Variants in ELOVL2 observed in about 807,000 individuals in gnomAD.
ELOVL2 encodes very long chain fatty acid elongase 2.
ELOVL2 carries 38 observed loss-of-function variants against 37.7 expected under a neutral mutation model. That is an observed-to-expected ratio of 1.01 (90% confidence interval 0.78 to 1.32). ELOVL2 has a LOEUF of 1.32. Among genes scored for constraint, ELOVL2 ranks in the 40% most tolerant of loss-of-function variants. ELOVL2 has a pLI of 0.00. For missense variants in ELOVL2, 352 were observed against 363.6 expected (o/e 0.97, Z 0.26); for synonymous variants, 115 against 122.3 (o/e 0.94, Z 0.40).
chr6:11,030,305 T>C lies in ELOVL2; in HGVS notation c.3+13923A>G, dbSNP rs937707749. ...AACAATAGAAGGCCCTCCTGCCCTG[T>C]AGCTCATCTGTCCTAGATGTGCTAT... On this transcript the variant is annotated intron_variant, in intron 1 of 7. Coordinates refer to ENST00000354666, the MANE Select transcript of ELOVL2 (RefSeq NM_017770.4). Among the ~76,000 whole-genome samples, 13 of 152,300 alleles carry C rather than the reference T, an allele frequency of 8.5e-5. No homozygotes were observed. In the East Asian group the frequency reaches 2.3e-3, roughly 27 times the overall value.
In ELOVL2 at chr6:10,982,757, A is replaced by C. The variant is rs1240734524; in HGVS notation, c.*1024T>G. On this transcript the variant is annotated 3_prime_UTR_variant, in exon 8 of 8. Coordinates refer to ENST00000354666, the MANE Select transcript of ELOVL2 (RefSeq NM_017770.4). ...CCATCTTTTTCCTCCCAGCTTCAAA[A>C]ACTTAAATAACCTGTGAAGAGTGAC... 6.6e-6 allele frequency: 1 copy of C among 152,190 alleles called. No homozygotes were observed. The highest frequency in any genetic ancestry group is 6.5e-5 in the Admixed American group (1 of 15,278). The allele number at this position is 152,190 out of a possible 1,614,324, so 9.4% of individuals were successfully genotyped here. A position where few individuals can be genotyped will look rare whatever the true frequency, so the allele number is the denominator to read the frequency against.
chr6:11,031,570 T>TA (rs2113559643), intron 1 of ELOVL2, among the ~76,000 whole-genome samples: 1 of 152,336 alleles, frequency 6.6e-6, no homozygotes, highest in South Asian at 2.1e-4. Flanking sequence ...TATTGATTTA[T>TA]AAGGGTCATT....
chr6:11,029,824 G>A lies in ELOVL2; in HGVS notation c.3+14404C>T, dbSNP rs1396934416. Among the ~76,000 whole-genome samples the A allele has an allele frequency of 3.9e-5, 6 of 152,278 alleles. 1 individual carries two copies. The South Asian group carries it at 6.2e-4, about 16-fold the overall frequency. Reference sequence around the variant, plus strand: ...ACTGAGAGGACACTGCATGCAGTGGGTTGGAACCCTTTCACAACTGACTTA... The same window carrying A: ...ACTGAGAGGACACTGCATGCAGTGGATTGGAACCCTTTCACAACTGACTTA... On this transcript the variant is annotated intron_variant, in intron 1 of 7. Coordinates refer to ENST00000354666, the MANE Select transcript of ELOVL2 (RefSeq NM_017770.4).
chr6:10,990,634 T>C (rs774514880), intron 5 of ELOVL2, among the ~76,000 whole-genome samples, 192 bp from the exon 6 acceptor site: 1 of 150,402 alleles, frequency 6.6e-6, no homozygotes, highest in African/African-American at 2.5e-5. Flanking sequence ...AACTCCATGA[T>C]AGAAGGAGTA....
At chr6:11,042,001 A>AT (rs34988678) in intron 1 of ELOVL2, among the ~76,000 whole-genome samples, 37,547 of 134,516 alleles carry the variant, frequency 0.28, 4,944 homozygotes, top group East Asian at 0.47. Context: ...CTCCCTGCCC[A>AT]TTTTTTTTTT....
Position 11,014,954 on chromosome 6 carries a change from C to T in ELOVL2, c.4-4145G>A, listed in dbSNP as rs557646508. Among the ~76,000 whole-genome samples, 27 of 152,182 alleles carry T rather than the reference C, an allele frequency of 1.8e-4. No homozygotes were observed. In the East Asian group the frequency reaches 5.0e-3, roughly 28 times the overall value. On this transcript the variant is annotated intron_variant, in intron 1 of 7. Transcript: ENST00000354666. ...TTCATAGCAATTTTATTTGTAATTG[C>T]TAAAAAGCAGAAACTCCCAAATGTC...
At chr6:11,040,614 A>G (rs1392322302) in intron 1 of ELOVL2, among the ~76,000 whole-genome samples, 2 of 152,206 alleles carry the variant, frequency 1.3e-5, no homozygotes, top group Non-Finnish European at 2.9e-5. Flanking sequence ...TTATATTTCT[A>G]TTGGACAGCA....
At chr6:11,023,272 T>C (rs1782791320) in intron 1 of ELOVL2, among the ~76,000 whole-genome samples, 1 of 152,208 alleles carries the variant, frequency 6.6e-6, no homozygotes, top group South Asian at 2.1e-4. Flanking sequence ...AGAGCAGCAA[T>C]GAAAGGAGAT....
chr6:11,031,944 TATAGC>T, intron 1 of ELOVL2, among the ~76,000 whole-genome samples: 1 of 152,184 alleles, frequency 6.6e-6, no homozygotes, highest in Admixed American at 6.5e-5. Context: ...ACTCCTCTCT[TATAGC>T]AAGTTCCCAT....
intron 1 of ELOVL2, among the ~76,000 whole-genome samples, chr6:11,037,148 G>A (rs528793663): frequency 2.8e-4 from 42 of 149,660 alleles, no homozygotes; most frequent in African/African-American, 1.0e-3. Flanking sequence ...GAGAGAGACA[G>A]AGAGGCAGAG....
chr6:11,010,619 G>A, intron 2 of ELOVL2, 127 bp downstream of exon 2: 1 of 770,646 alleles, frequency 1.3e-6, no homozygotes, highest in East Asian at 2.6e-5. Flanking sequence ...AGTTGAGGAA[G>A]TTAAGTTTCT....
At chr6:11,033,182 T>G (rs988645613) in intron 1 of ELOVL2, among the ~76,000 whole-genome samples, 6 of 152,192 alleles carry the variant, frequency 3.9e-5, no homozygotes, top group Non-Finnish European at 5.9e-5. Flanking sequence ...ATTCTCCACT[T>G]ATTTAGTTTT....
intron 1 of ELOVL2, among the ~76,000 whole-genome samples, chr6:11,034,952 G>A (rs954856501): frequency 1.3e-5 from 2 of 152,038 alleles, no homozygotes; most frequent in East Asian, 1.9e-4. Context: ...GCAGTGAGCC[G>A]AAATCACACC....
At chr6:11,020,776 A>T (rs1782754914) in intron 1 of ELOVL2, among the ~76,000 whole-genome samples, 1 of 152,188 alleles carries the variant, frequency 6.6e-6, no homozygotes, top group Non-Finnish European at 1.5e-5. Context: ...AATAGGTTAA[A>T]TTTTTACAAA....
chr6:11,027,712 A>C (rs1561726860), intron 1 of ELOVL2, among the ~76,000 whole-genome samples: 7 of 33,722 alleles, frequency 2.1e-4, no homozygotes, highest in African/African-American at 4.1e-4. Context: ...AAGCAGCCTA[A>C]GATAAGGAAA....
rs774257225 is a variant in ELOVL2, at chr6:11,005,523, T to TA, written c.103dup (p.Tyr35LeufsTer19). 25 of 1,613,948 alleles carry TA rather than the reference T, an allele frequency of 1.5e-5. No individual in the cohort carries two copies. In the South Asian group the frequency reaches 2.6e-4, roughly 17 times the overall value. On this transcript the variant is annotated frameshift_variant, in exon 3 of 8. Transcript: ENST00000354666. LOFTEE classifies it high-confidence loss of function. ...GACAGTAAGAAAAAAGGTAGGAAGG[T>TA]AAGAGTCCAACATGAACCACCCTCT...
At chr6:10,985,579 T>C (rs528739081) in intron 7 of ELOVL2, among the ~76,000 whole-genome samples, 147 of 151,912 alleles carry the variant, frequency 9.7e-4, no homozygotes, top group African/African-American at 3.5e-3. Flanking sequence ...TAGCCAGTTT[T>C]CCCAGCACCA....
intron 1 of ELOVL2, among the ~76,000 whole-genome samples, chr6:11,033,042 T>C (rs990664152): frequency 6.6e-6 from 1 of 152,212 alleles, no homozygotes; most frequent in African/African-American, 2.4e-5. Flanking sequence ...AGTACTCCTC[T>C]AGCCTTTTCT....
chr6:11,000,983 C>T (rs1465473564), intron 3 of ELOVL2, among the ~76,000 whole-genome samples: 2 of 152,166 alleles, frequency 1.3e-5, no homozygotes. Flanking sequence ...AAGAAGTTTT[C>T]TCCCTGTAAA....
Sources: allele counts gnomAD v4.1 joint callset (sites outside exome capture counted in the v4.1 genomes callset), GRCh38; gene constraint gnomAD v4.1.1; transcripts MANE v1.5; gene names NCBI Gene and HGNC (gene_info 2026-07-23, HGNC 2026-07-21).